BCHE: variants seen among roughly 807,000 people sequenced by gnomAD.
BCHE encodes cholinesterase.
A neutral mutation model predicts 51.3 loss-of-function variants in BCHE; 48 were observed. The ratio of observed to expected loss-of-function variants is 0.94; its 90% CI spans 0.74 to 1.19. The LOEUF is 1.19. BCHE is among the 50% of genes most tolerant of loss of function. The pLI, the probability that BCHE is intolerant of heterozygous loss-of-function variation, is 0.00. For missense variants in BCHE, 847 were observed against 708.2 expected, an observed-to-expected ratio of 1.20 and a Z score of -2.23; for synonymous variants, 251 against 238.0, an observed-to-expected ratio of 1.05 and a Z score of -0.50.
intron 2 of BCHE, among the ~76,000 whole-genome samples, chr3:165,798,855 C>A (rs147086942): frequency 2.0e-3 from 305 of 151,976 alleles, no homozygotes; most frequent in African/African-American, 7.0e-3. Flanking sequence ...TCTTCTCATG[C>A]AGTTTTTCTA....
chr3:165,808,395 T>A (rs1285971461), intron 2 of BCHE, among the ~76,000 whole-genome samples: 1 of 152,058 alleles, frequency 6.6e-6, no homozygotes, highest in Non-Finnish European at 1.5e-5. Context: ...ATATGTCAAA[T>A]ACATACCTAA....
intron 2 of BCHE, among the ~76,000 whole-genome samples, chr3:165,805,688 A>G (rs1375990041): frequency 6.6e-6 from 1 of 152,092 alleles, no homozygotes; most frequent in Non-Finnish European, 1.5e-5. Flanking sequence ...AATCTTTACC[A>G]ATCTTTTACT....
At chr3:165,786,541 T>A (rs1260641945) in intron 2 of BCHE, among the ~76,000 whole-genome samples, 2 of 151,830 alleles carry the variant, frequency 1.3e-5, no homozygotes, top group Non-Finnish European at 3.0e-5. Flanking sequence ...GAATTTTTTA[T>A]ATGCATTTCT....
chr3:165,774,817 G>A (rs769687084), intron 3 of BCHE, among the ~76,000 whole-genome samples: 125 of 152,172 alleles, frequency 8.2e-4, no homozygotes, highest in Non-Finnish European at 1.3e-3. Flanking sequence ...GCGTGAGGCA[G>A]TGAACCACTA....
intron 3 of BCHE, among the ~76,000 whole-genome samples, chr3:165,783,769 TTTC>T (rs1056884997): frequency 5.9e-5 from 9 of 152,084 alleles, no homozygotes; most frequent in African/African-American, 1.7e-4. Context: ...TCTACTTCTT[TTTC>T]TTTTTTCAAA....
At chr3:165,828,311 A>C (rs1030615120) in intron 2 of BCHE, among the ~76,000 whole-genome samples, 1 of 152,170 alleles carries the variant, frequency 6.6e-6, no homozygotes, top group African/African-American at 2.4e-5. Context: ...TATTAGTGAG[A>C]TAACTGGCTT....
chr3:165,833,030 C>A (rs1315361919), intron 1 of BCHE, among the ~76,000 whole-genome samples: 1 of 151,804 alleles, frequency 6.6e-6, no homozygotes, highest in Non-Finnish European at 1.5e-5. Context: ...ATATCTAATT[C>A]TAACAATATT....
At position 165,773,209 on chromosome 3, in the gene BCHE, G is replaced by A; in HGVS notation, c.*173C>T. ...AATTAAACACGTTCTAGCCATTTGGGTTTTGAAATGCTAGGTAAAATACTA... is the reference window on the plus strand; with the variant it reads ...AATTAAACACGTTCTAGCCATTTGGATTTTGAAATGCTAGGTAAAATACTA... On this transcript the variant is annotated 3_prime_UTR_variant, in exon 4 of 4. Transcript: ENST00000264381. 1 of 584,984 alleles carries A rather than the reference G, an allele frequency of 1.7e-6. No individual in the cohort carries two copies. The highest frequency in any genetic ancestry group is 2.4e-5 in the South Asian group (1 of 41,040). 36.2% of individuals were successfully genotyped at this position (584,984 alleles called of 1,614,324 possible). A position where few individuals can be genotyped will look rare whatever the true frequency, so the allele number is the denominator to read the frequency against.
intron 3 of BCHE, among the ~76,000 whole-genome samples, chr3:165,779,608 C>A (rs148816273): frequency 3.2e-3 from 486 of 152,076 alleles, no homozygotes; most frequent in Non-Finnish European, 5.0e-3. Flanking sequence ...ACAAGCATTC[C>A]TATACACCAA....
At chr3:165,821,769 A>T (rs1474120360) in intron 2 of BCHE, among the ~76,000 whole-genome samples, 3 of 151,868 alleles carry the variant, frequency 2.0e-5, no homozygotes, top group Non-Finnish European at 4.4e-5. Context: ...TAAAAAGATG[A>T]ATATCTATTT....
intron 2 of BCHE, among the ~76,000 whole-genome samples, chr3:165,790,433 C>T (rs73026283): frequency 0.097 from 14,691 of 152,104 alleles, 772 homozygotes; most frequent in Admixed American, 0.14. Flanking sequence ...TGTCTCATTC[C>T]TCAGCTGGTT....
intron 2 of BCHE, among the ~76,000 whole-genome samples, chr3:165,789,980 T>C (rs1713105718): frequency 6.6e-6 from 1 of 152,140 alleles, no homozygotes; most frequent in African/African-American, 2.4e-5. Context: ...AATGATGTAA[T>C]ATGTTAGATG....
chr3:165,812,812 A>G (rs1028629356), intron 2 of BCHE, among the ~76,000 whole-genome samples: 1 of 151,858 alleles, frequency 6.6e-6, no homozygotes, highest in Non-Finnish European at 1.5e-5. Context: ...AGTATTGGAG[A>G]GGTGCTTCCT....
intron 2 of BCHE, among the ~76,000 whole-genome samples, chr3:165,823,789 G>A (rs1440309519): frequency 6.6e-6 from 1 of 151,882 alleles, no homozygotes; most frequent in Non-Finnish European, 1.5e-5. Context: ...GAGGAGATCT[G>A]TTCTGTCACC....
chr3:165,823,100 G>A (rs1714589453), intron 2 of BCHE, among the ~76,000 whole-genome samples: 1 of 152,056 alleles, frequency 6.6e-6, no homozygotes. Context: ...ATATGTATAG[G>A]TAGCAATTCC....
intron 2 of BCHE, among the ~76,000 whole-genome samples, chr3:165,813,895 T>C (rs972252644): frequency 6.6e-6 from 1 of 151,960 alleles, no homozygotes; most frequent in African/African-American, 2.4e-5. Context: ...TTAAAAAAAG[T>C]CTTAATTTAC....
At chr3:165,816,250 G>A (rs1714309875) in intron 2 of BCHE, among the ~76,000 whole-genome samples, 1 of 151,616 alleles carries the variant, frequency 6.6e-6, no homozygotes, top group Non-Finnish European at 1.5e-5. Context: ...CTAACCAAGT[G>A]GTTTGCATTG....
At chr3:165,802,760 G>C (rs1209717130) in intron 2 of BCHE, among the ~76,000 whole-genome samples, 2 of 150,518 alleles carry the variant, frequency 1.3e-5, no homozygotes, top group African/African-American at 4.9e-5. Context: ...TGTGTTTTTT[G>C]AGACGGAGTC....
At chr3:165,824,831 A>G (rs1458032553) in intron 2 of BCHE, among the ~76,000 whole-genome samples, 1 of 151,992 alleles carries the variant, frequency 6.6e-6, no homozygotes, top group African/African-American at 2.4e-5. Flanking sequence ...ATTTATATAA[A>G]TTAAAAAATA....
Sources: allele counts gnomAD v4.1 joint callset (sites outside exome capture counted in the v4.1 genomes callset), GRCh38; gene constraint gnomAD v4.1.1; transcripts MANE v1.5; gene names NCBI Gene and HGNC (gene_info 2026-07-23, HGNC 2026-07-21).